Variants in TMC6 observed in about 807,000 individuals in gnomAD.
TMC6 encodes the protein transmembrane channel-like protein 6.
A neutral mutation model predicts 95.4 loss-of-function variants in TMC6; 71 were observed. That is an observed-to-expected ratio of 0.74 (90% CI 0.61 to 0.91). The LOEUF is 0.91. Ranked by LOEUF, TMC6 falls within the 40% of genes least tolerant of loss-of-function variation. The pLI is 0.00. For synonymous variants in TMC6, 514 were observed against 483.1 expected, an observed-to-expected ratio of 1.06 and a Z score of -0.84; for missense variants, 1,074 against 1,079.1, an observed-to-expected ratio of 1.00 and a Z score of 0.07.
Position 78,123,000 on chromosome 17 carries a change from G to A in TMC6, c.1083-251C>T. 1 of 589,664 alleles carries A rather than the reference G, an allele frequency of 1.7e-6. No homozygotes were observed. Among genetic ancestry groups the A allele is most frequent in the South Asian group, 1.9e-5 (1 of 51,404 alleles). 36.5% of individuals were successfully genotyped at this position (589,664 alleles called of 1,614,324 possible). On this transcript the variant is annotated intron_variant, in intron 9 of 19. Coordinates refer to ENST00000590602, the MANE Select transcript of TMC6 (RefSeq NM_001127198.5). This position sits in a 1 kb window ranked among gnomAD's most constrained non-coding sequence, Gnocchi z 4.9. ...GGCTGCATTCACCGCGGACTTGGCT[G>A]GCTGCCTCCCAGCGAGACATGGACC...
intron 13 of TMC6, chr17:78,120,152 CTTTT>C (rs35789255): frequency 0.028 from 4,191 of 149,938 alleles, no homozygotes; most frequent in Middle Eastern, 0.054. Context: ...ATACACGTTA[CTTTT>C]TTTTTTTTTT....
rs1240280345 is a variant in TMC6, at chr17:78,121,458, TGGA to T, written c.1383+95_1383+97del. 6 of 1,571,912 alleles carry T rather than the reference TGGA, an allele frequency of 3.8e-6. No homozygotes were observed. The highest frequency in any genetic ancestry group is 4.3e-6 in the Non-Finnish European group (5 of 1,159,220). On this transcript the variant is annotated intron_variant, in intron 11 of 19. Transcript: ENST00000590602. The surrounding 1 kb of genome is among the most constrained non-coding windows in gnomAD (Gnocchi z 5.6). The stretch of plus-strand genomic sequence containing the variant: ...TACGTGGCACCCTGGGCTGGCTGGG[TGGA>T]GGAGGAGAGGCAAGGCTGCCTCCCC...
chr17:78,124,397 G>A, intron 8 of TMC6, 127 bp downstream of exon 8: 3 of 1,484,402 alleles, frequency 2.0e-6, no homozygotes, highest in Non-Finnish European at 2.7e-6. Context: ...GGAGCTGGCT[G>A]TGGCCACCTG....
At chr17:78,118,064 C>T in intron 15 of TMC6, 129 bp from the exon 16 acceptor site, 1 of 1,464,992 alleles carries the variant, frequency 6.8e-7, no homozygotes, top group Non-Finnish European at 9.1e-7. Flanking sequence ...CTGCTCCCTG[C>T]AGCCTCCTCA....
chr17:78,124,690 C>T lies in TMC6; in HGVS notation c.725G>A (p.Gly242Asp). 1.2e-6 allele frequency: 2 copies of T among 1,603,440 alleles called. No homozygotes were observed. The highest frequency in any genetic ancestry group is 8.5e-7 in the Non-Finnish European group (1 of 1,175,440). ...GAGGAAGTAGGAGAGCACGCTGGAGCCGAACTGGCCCCCGATGCGCTTCAG... is the reference window on the plus strand; with the variant it reads ...GAGGAAGTAGGAGAGCACGCTGGAGTCGAACTGGCCCCCGATGCGCTTCAG... ...YALKRIGGQF[G>D]SSVLSYFLFL... Residue 242 changes from glycine (G) to aspartate (D), a missense_variant, in exon 8 of 20, where the codon GGC becomes GAC. Gly to Asp is a moderately conservative substitution (Grantham distance 94). Transcript: ENST00000590602.
Position 78,112,249 on chromosome 17 carries a change from C to A in TMC6, c.*899G>T, listed in dbSNP as rs1462392850. Reference sequence around the variant, plus strand: ...AGGCTGACGGGCTGGTCCCCGCAGGCCTGGAGCCCTGGGCTGTGATGGGCT... The same window carrying A: ...AGGCTGACGGGCTGGTCCCCGCAGGACTGGAGCCCTGGGCTGTGATGGGCT... On this transcript the variant is annotated 3_prime_UTR_variant, in exon 20 of 20. Coordinates refer to ENST00000590602, the MANE Select transcript of TMC6 (RefSeq NM_001127198.5). 2 of 279,496 alleles carry A rather than the reference C, an allele frequency of 7.2e-6. No individual in the cohort carries two copies. The highest frequency in any genetic ancestry group is 1.4e-5 in the Non-Finnish European group (2 of 142,862). The allele number at this position is 279,496 out of a possible 1,614,324, so 17.3% of individuals were successfully genotyped here. A position where few individuals can be genotyped will look rare whatever the true frequency, so the allele number is the denominator to read the frequency against.
In TMC6 at chr17:78,112,788, CT is replaced by C. The variant is rs1191700684; in HGVS notation, c.*359del. On this transcript the variant is annotated 3_prime_UTR_variant, in exon 20 of 20. Transcript: ENST00000590602. ...GCGGTCCAGCCCCTGCCATCTGGGG[CT>C]TGGCCAGCAGAGGGCGCCCCCACTC... 2 of 371,456 alleles carry C rather than the reference CT, an allele frequency of 5.4e-6. No homozygotes were observed. Among genetic ancestry groups the C allele is most frequent in the African/African-American group, 4.2e-5 (2 of 47,180 alleles). 23.0% of individuals were successfully genotyped at this position (371,456 alleles called of 1,614,324 possible).
intron 14 of TMC6, 65 bp downstream of exon 14, chr17:78,119,232 C>A (rs966935856): frequency 1.0e-5 from 16 of 1,591,040 alleles, no homozygotes; most frequent in Non-Finnish European, 1.4e-5. Flanking sequence ...AGGTACAGGA[C>A]CCCCGGGGGG....
At chr17:78,129,767 C>T (rs1321448605), upstream of TMC6, among the ~76,000 whole-genome samples, 1 of 152,196 alleles carries the variant, frequency 6.6e-6, no homozygotes, top group Admixed American at 6.5e-5. The surrounding 1 kb of genome is among the most constrained non-coding windows in gnomAD (Gnocchi z 4.3). Flanking sequence ...CCTGCCTCTC[C>T]TCCCACTGCT....
At position 78,122,618 on chromosome 17, in the gene TMC6, C is replaced by A. The variant is rs149023121; in HGVS notation, c.1214G>T (p.Arg405Leu). Residue 405 changes from arginine to leucine, a missense_variant, in exon 10 of 20, where the codon CGC becomes CTC. Coordinates refer to ENST00000590602, the MANE Select transcript of TMC6 (RefSeq NM_001127198.5). This position sits in a 1 kb window ranked among gnomAD's most constrained non-coding sequence, Gnocchi z 4.9. ...GGGGCCACTCACCTTCAGCCGGGTG[C>A]GAATATTGTCCTGCTGGAGGCGGGA... Reference protein sequence around the residue: ...RASRLQQDNIRTRLKELLAEW... With the variant: ...RASRLQQDNILTRLKELLAEW... 1 of 1,610,950 alleles carries A rather than the reference C, an allele frequency of 6.2e-7. No homozygotes were observed. Among genetic ancestry groups the A allele is most frequent in the Non-Finnish European group, 8.5e-7 (1 of 1,179,886 alleles).
At chr17:78,119,261 G>A (rs768649905) in intron 14 of TMC6, 36 bp downstream of exon 14, 8 of 1,610,824 alleles carry the variant, frequency 5.0e-6, no homozygotes, top group Non-Finnish European at 6.8e-6. Context: ...ACTGACCGAG[G>A]GGCCAGACAG....
intron 18 of TMC6, among the ~76,000 whole-genome samples, chr17:78,115,723 G>A (rs113305516): frequency 0.22 from 697 of 3,126 alleles, 18 homozygotes; most frequent in Middle Eastern, 0.25. Context: ...TGGGCACAGG[G>A]GCGAAGGGAG....
rs368642039 is a variant in TMC6, at chr17:78,124,578, G to A, written c.837C>T (p.Pro279=). ...AGACGGGGGCAGGGCCCGGCAGGGC[G>A]GGTGGGAAGGCGACCTGAGGGCCCA... The part of the protein sequence containing the change: ...FIMGPQVAFP[P]ALPGPAPVCT... Residue 279 remains proline, a synonymous_variant, in exon 8 of 20, where the codon CCC becomes CCT. Coordinates refer to ENST00000590602, the MANE Select transcript of TMC6 (RefSeq NM_001127198.5). The A allele has an allele frequency of 1.2e-5, 20 of 1,612,124 alleles. No individual in the cohort carries two copies. In the Admixed American group the frequency reaches 1.3e-4, roughly 11 times the overall value.
chr17:78,117,387 G>A, intron 17 of TMC6, 40 bp from the exon 18 acceptor site: 1 of 1,612,456 alleles, frequency 6.2e-7, no homozygotes, highest in South Asian at 1.1e-5. Context: ...CAGGGCCACA[G>A]CCCGGGAGCG....
In TMC6 at chr17:78,121,442, C is replaced by T. The variant is rs988830047; in HGVS notation, c.1383+114G>A. The T allele has an allele frequency of 1.9e-5, 30 of 1,549,578 alleles. No homozygotes were observed. The African/African-American group carries it at 3.0e-4, about 15-fold the overall frequency. On this transcript the variant is annotated intron_variant, in intron 11 of 19. Coordinates refer to ENST00000590602, the MANE Select transcript of TMC6 (RefSeq NM_001127198.5). The surrounding 1 kb of genome is among the most constrained non-coding windows in gnomAD (Gnocchi z 5.6). ...AGCACGGGGCACAGCGTACGTGGCA[C>T]CCTGGGCTGGCTGGGTGGAGGAGGA...
At position 78,119,336 on chromosome 17, in the gene TMC6, C is replaced by T. The variant is rs558312063; in HGVS notation, c.1772G>A (p.Arg591Gln). The T allele has an allele frequency of 4.3e-6, 7 of 1,614,062 alleles. No individual in the cohort carries two copies. Among genetic ancestry groups the T allele is most frequent in the South Asian group, 1.1e-5 (1 of 91,078 alleles). The change falls in exon 14 of 20, where the codon CGG (arginine) becomes CAG (glutamine). Residue 591 changes from arginine (R) to glutamine (Q), a missense_variant. Coordinates refer to ENST00000590602, the MANE Select transcript of TMC6 (RefSeq NM_001127198.5). ...RRRKPEFDIA[R>Q]NVLELIYGQT... Reference sequence around the variant, plus strand: ...CCCATAAATCAGCTCCAGGACATTCCGGGCAATGTCAAACTCCGGCTTCCG... The same window carrying T: ...CCCATAAATCAGCTCCAGGACATTCTGGGCAATGTCAAACTCCGGCTTCCG...
intron 9 of TMC6, among the ~76,000 whole-genome samples, chr17:78,123,471 GTGGGTGGA>G (rs1016231006): frequency 6.7e-6 from 1 of 149,212 alleles, no homozygotes; most frequent in Non-Finnish European, 1.5e-5. Context: ...GGATGAATGA[GTGGGTGGA>G]TGGATGAATG....
rs1250220299 is a variant in TMC6 at position 78,109,427 on chromosome 17, G to A, written c.*3721C>T. 2.2e-6 allele frequency: 1 copy of A among 456,626 alleles called. No homozygotes were observed. Among genetic ancestry groups the A allele is most frequent in the South Asian group, 1.5e-5 (1 of 64,554 alleles). The allele number at this position is 456,626 out of a possible 1,614,324, so 28.3% of individuals were successfully genotyped here. ...CATATCAGTGCTTCTCGGCGGAGCT[G>A]TGGCTGATGGGCTCCTGGTGCAGGA... On this transcript the variant is annotated 3_prime_UTR_variant, in exon 20 of 20. Coordinates refer to ENST00000590602, the MANE Select transcript of TMC6 (RefSeq NM_001127198.5).
chr17:78,114,335 C>A (rs370044173), intron 18 of TMC6, among the ~76,000 whole-genome samples: 5 of 152,274 alleles, frequency 3.3e-5, no homozygotes, highest in African/African-American at 9.6e-5. Context: ...CGCTGGGCCA[C>A]CACGATAATC....
Sources: gnomAD v4.1 joint callset for allele counts (sites outside exome capture counted in the v4.1 genomes callset) on GRCh38, gnomAD v4.1.1 for gene constraint, Gnocchi (gnomAD v3.1) non-coding constraint, MANE v1.5 for transcripts, NCBI Gene and HGNC (gene_info 2026-07-23, HGNC 2026-07-21) for gene names.